The following HDAC9 variants were observed in gnomAD, a reference collection of about 807,000 sequenced individuals.
HDAC9 encodes the protein histone deacetylase 9, also known as MEF-2 interacting transcription repressor (MITR) protein.
HDAC9 carries 41 observed loss-of-function variants against 139.4 expected under a neutral mutation model. The ratio of observed to expected loss-of-function variants is 0.29; its 90% CI spans 0.23 to 0.38. HDAC9 has a LOEUF of 0.38. Among genes scored for constraint, HDAC9 ranks in the 10% least tolerant of loss-of-function variants. The pLI is 1.00. For synonymous variants in HDAC9, 517 were observed against 476.2 expected (o/e 1.09, Z -1.12); for missense variants, 1,147 against 1,297.0 (o/e 0.88, Z 1.78).
Position 18,996,375 on chromosome 7 carries a change from T to A in HDAC9, c.*313T>A, listed in dbSNP as rs1786464476. On this transcript the variant is annotated 3_prime_UTR_variant, in exon 26 of 26. Coordinates refer to ENST00000686413, the MANE Select transcript of HDAC9 (RefSeq NM_178425.4). Reference sequence around the variant, plus strand: ...GACACCAAGTTTGAACTAGAAACATTCAGTACAGCACTAGATATTGTTAAT... The same window carrying A: ...GACACCAAGTTTGAACTAGAAACATACAGTACAGCACTAGATATTGTTAAT... The A allele has an allele frequency of 1.0e-5, 3 of 299,044 alleles. No homozygotes were observed. In the South Asian group the frequency reaches 1.2e-4, roughly 12 times the overall value. The allele number at this position is 299,044 out of a possible 1,614,324, so 18.5% of individuals were successfully genotyped here.
At chr7:18,820,332 A>T (rs1794870254) in intron 17 of HDAC9, among the ~76,000 whole-genome samples, 1 of 152,182 alleles carries the variant, frequency 6.6e-6, no homozygotes, top group Admixed American at 6.5e-5. Flanking sequence ...TATAATATAG[A>T]ACACATCTTT....
chr7:18,507,508 T>A (rs1432341277), intron 2 of HDAC9, among the ~76,000 whole-genome samples: 2 of 151,396 alleles, frequency 1.3e-5, no homozygotes, highest in Non-Finnish European at 2.9e-5. Flanking sequence ...TATTATTATT[T>A]TTTGAGATGA....
At chr7:18,931,964 A>T (rs949353480) in intron 22 of HDAC9, among the ~76,000 whole-genome samples, 1 of 152,184 alleles carries the variant, frequency 6.6e-6, no homozygotes, top group Admixed American at 6.5e-5. Context: ...AATGTACAAC[A>T]CAAAGTGTGA....
intron 16 of HDAC9, among the ~76,000 whole-genome samples, chr7:18,792,625 C>T (rs1025842915): frequency 2.4e-4 from 37 of 152,116 alleles, no homozygotes; most frequent in Admixed American, 3.3e-4. Context: ...AGTAGATAAG[C>T]AACCATCTAT....
chr7:18,420,729 G>T (rs1339527962), intron 1 of HDAC9, among the ~76,000 whole-genome samples: 1 of 152,060 alleles, frequency 6.6e-6, no homozygotes, highest in African/African-American at 2.4e-5. Context: ...TTTTTTAATT[G>T]GGGGAGGGGC....
At chr7:18,749,240 C>A (rs1461482489) in intron 14 of HDAC9, 102 bp downstream of exon 14, 2 of 1,183,854 alleles carry the variant, frequency 1.7e-6, no homozygotes, top group Non-Finnish European at 2.4e-6. Context: ...CCATATAGTG[C>A]AAACACCATG....
chr7:18,715,828 C>G (rs935012442), intron 12 of HDAC9, among the ~76,000 whole-genome samples: 2 of 152,116 alleles, frequency 1.3e-5, no homozygotes, highest in Non-Finnish European at 2.9e-5. Flanking sequence ...TTAATGACCT[C>G]TGATGAAAAC....
intron 24 of HDAC9, among the ~76,000 whole-genome samples, chr7:18,955,760 A>C (rs573052574): frequency 6.6e-5 from 10 of 152,224 alleles, no homozygotes; most frequent in South Asian, 2.1e-4. Context: ...GTCCCTTTCA[A>C]CTGGGGGTGA....
Position 18,734,129 on chromosome 7 carries a change from A to C in HDAC9, c.1909+6372A>C, listed in dbSNP as rs189015262. ...GTAAGTCTATTGGTGCCACTTTTCC[A>C]ATAGCATGTGTTCACTTCCTGTCTC... On this transcript the variant is annotated intron_variant, in intron 13 of 25. Coordinates refer to ENST00000686413, the MANE Select transcript of HDAC9 (RefSeq NM_178425.4). Among the ~76,000 whole-genome samples, 7 of 152,282 alleles carry C rather than the reference A, an allele frequency of 4.6e-5. No individual in the cohort carries two copies. In the East Asian group the frequency reaches 1.3e-3, roughly 29 times the overall value.
At chr7:18,374,480 C>G (rs1260745878) in intron 1 of HDAC9, among the ~76,000 whole-genome samples, 1 of 151,956 alleles carries the variant, frequency 6.6e-6, no homozygotes, top group Non-Finnish European at 1.5e-5. Flanking sequence ...GGCTACAAAC[C>G]TGTACAGCAT....
chr7:18,971,390 C>T lies in HDAC9; in HGVS notation c.3023-4416C>T, dbSNP rs552169428. On this transcript the variant is annotated intron_variant, in intron 24 of 25. Transcript: ENST00000686413. ...AGAGCAACCCAGTTGTGGCTCATTACTAATATTTGACTTTATGAATAACAG... is the reference window on the plus strand; with the variant it reads ...AGAGCAACCCAGTTGTGGCTCATTATTAATATTTGACTTTATGAATAACAG... Among the ~76,000 whole-genome samples, 15 of 152,264 alleles carry T rather than the reference C, an allele frequency of 9.9e-5. No homozygotes were observed. The South Asian group carries it at 3.1e-3, about 32-fold the overall frequency.
At chr7:18,382,615 A>C (rs1488107619) in intron 1 of HDAC9, among the ~76,000 whole-genome samples, 1 of 152,248 alleles carries the variant, frequency 6.6e-6, no homozygotes, top group Non-Finnish European at 1.5e-5. Context: ...ACAAATGAAC[A>C]AGAAAATTTC....
At chr7:18,347,388 G>A (rs1304778422) in intron 1 of HDAC9, among the ~76,000 whole-genome samples, 3 of 152,118 alleles carry the variant, frequency 2.0e-5, no homozygotes, top group Admixed American at 6.6e-5. Context: ...AGGCTTAGGG[G>A]AGGATGTTTT....
chr7:18,650,528 C>T (rs1449165588), intron 11 of HDAC9, among the ~76,000 whole-genome samples: 2 of 152,112 alleles, frequency 1.3e-5, no homozygotes, highest in Non-Finnish European at 2.9e-5. Context: ...GTGCTAATAT[C>T]AGAATCTTTC....
chr7:18,956,881 T>C (rs150174375), intron 24 of HDAC9, among the ~76,000 whole-genome samples: 31 of 152,220 alleles, frequency 2.0e-4, no homozygotes, highest in African/African-American at 7.2e-4. Context: ...GTCCTACACA[T>C]AGAAGGGCCC....
At chr7:18,427,298 C>G (rs914407799) in intron 1 of HDAC9, among the ~76,000 whole-genome samples, 1 of 152,144 alleles carries the variant, frequency 6.6e-6, no homozygotes, top group Non-Finnish European at 1.5e-5. Flanking sequence ...GCACCTTACC[C>G]AGTCCCCAAT....
intron 1 of HDAC9, among the ~76,000 whole-genome samples, chr7:18,157,902 A>G (rs1251655419): frequency 1.3e-5 from 2 of 151,238 alleles, no homozygotes; most frequent in African/African-American, 4.9e-5. Flanking sequence ...CACAGTAAGC[A>G]TTTCCCACCA....
At chr7:18,728,585 A>C (rs1267049309) in intron 13 of HDAC9, among the ~76,000 whole-genome samples, 1 of 152,316 alleles carries the variant, frequency 6.6e-6, no homozygotes, top group East Asian at 1.9e-4. Context: ...TGTAGCCCTA[A>C]GAGACTCATA....
rs532183079 is a variant in HDAC9, at chr7:18,233,693, C to T, written c.25+71344C>T. ...CTATAGCCTGTAGGGGAACGGAGCA[C>T]ACACAGACCTTCCTCCTTCTTTCTT... On this transcript the variant is annotated intron_variant, in intron 2 of 12. Coordinates refer to the HDAC9 transcript ENST00000417496. Among the ~76,000 whole-genome samples the T allele has an allele frequency of 2.6e-5, 4 of 152,218 alleles. No individual in the cohort carries two copies. The East Asian group carries it at 7.7e-4, about 29-fold the overall frequency.
Sources: gnomAD v4.1 joint callset for allele counts (sites outside exome capture counted in the v4.1 genomes callset) on GRCh38, gnomAD v4.1.1 for gene constraint, MANE v1.5 for transcripts, NCBI Gene and HGNC (gene_info 2026-07-23, HGNC 2026-07-21) for gene names.